Variants in SERPINA6 observed in about 807,000 individuals in gnomAD.
SERPINA6 encodes the protein serpin family A member 6.
Under a neutral mutation model 26.4 loss-of-function variants are expected in SERPINA6, and 19 were observed. That is an observed-to-expected ratio of 0.72 (90% confidence interval 0.50 to 1.06). SERPINA6 has a LOEUF of 1.06. Among genes scored for constraint, SERPINA6 ranks in the 50% least tolerant of loss-of-function variants. SERPINA6 has a pLI of 0.00. For synonymous variants in SERPINA6, 196 were observed against 199.4 expected, an observed-to-expected ratio of 0.98 and a Z score of 0.14; for missense variants, 473 against 504.0, an observed-to-expected ratio of 0.94 and a Z score of 0.59.
chr14:94,311,590 CT>C (rs1176216271), intron 2 of SERPINA6, among the ~76,000 whole-genome samples: 10 of 151,886 alleles, frequency 6.6e-5, no homozygotes, highest in Admixed American at 6.6e-4. Context: ...TCTGGAAAAT[CT>C]TTTAACAATA....
chr14:94,322,773 G>A (rs543493249), intron 1 of SERPINA6, among the ~76,000 whole-genome samples: 31 of 152,304 alleles, frequency 2.0e-4, no homozygotes, highest in African/African-American at 6.7e-4. Flanking sequence ...TCTGCCCCAG[G>A]TCACTGAGTG....
intron 2 of SERPINA6, among the ~76,000 whole-genome samples, chr14:94,313,652 G>A (rs991139836): frequency 1.4e-4 from 21 of 152,180 alleles, no homozygotes; most frequent in African/African-American, 5.1e-4. Flanking sequence ...GTGCAGGATG[G>A]CTTTGGGGGC....
intron 2 of SERPINA6, among the ~76,000 whole-genome samples, chr14:94,311,616 A>T (rs1454631163): frequency 6.6e-6 from 1 of 151,264 alleles, no homozygotes; most frequent in African/African-American, 2.4e-5. Flanking sequence ...TAATGTTATT[A>T]AAAAAAAACT....
Position 94,309,983 on chromosome 14 carries a change from G to A in SERPINA6, c.637C>T (p.Leu213=). The A allele has an allele frequency of 6.2e-7, 1 of 1,614,096 alleles. No homozygotes were observed. Among genetic ancestry groups the A allele is most frequent in the Non-Finnish European group, 8.5e-7 (1 of 1,180,014 alleles). The change falls in exon 3 of 5, where the codon CTG becomes TTG. Residue 213 remains leucine (L), a synonymous_variant. Transcript: ENST00000341584. The part of the protein sequence containing the change: ...FKGTWTQPFD[L]ASTREENFYV... ...AAGTTCTCCTCCCTGGTGCTTGCCA[G>A]GTCAAAGGGCTGTGTCCATGTGCCT...
rs114422476 is a variant in SERPINA6 at position 94,309,127 on chromosome 14, G to A, written c.884+609C>T. Reference sequence around the variant, plus strand: ...CAGAGATAGAGGGAATCCATTGGCCGCTTCTCCTCCTGGCTACTGCCTCTT... The same window carrying A: ...CAGAGATAGAGGGAATCCATTGGCCACTTCTCCTCCTGGCTACTGCCTCTT... On this transcript the variant is annotated intron_variant, in intron 3 of 4. Transcript: ENST00000341584. 9.3e-3 allele frequency among the ~76,000 whole-genome samples: 1,423 copies of A among 152,328 alleles called. 27 individuals carry two copies. The highest frequency in any genetic ancestry group is 0.032 in the African/African-American group (1,349 of 41,558).
rs1476045999 is a variant in SERPINA6, at chr14:94,306,131, C to T, written c.972G>A (p.Leu324=). 1.9e-6 allele frequency: 3 copies of T among 1,614,194 alleles called. No individual in the cohort carries two copies. The highest frequency in any genetic ancestry group is 1.7e-5 in the Admixed American group (1 of 60,024). ...GTGAGAAATTTGCCTGGTTGGTGAACAAGTCTGCAATGCCCATTTCCTCCA... is the reference window on the plus strand; with the variant it reads ...GTGAGAAATTTGCCTGGTTGGTGAATAAGTCTGCAATGCCCATTTCCTCCA... The part of the protein sequence containing the change: ...DVLEEMGIAD[L]FTNQANFSRI... Residue 324 remains leucine (L), a synonymous_variant, in exon 4 of 5, where the codon TTG becomes TTA. Transcript: ENST00000341584.
Position 94,309,739 on chromosome 14 carries a change from C to T in SERPINA6, c.881G>A (p.Ser294Asn). 1 of 1,614,002 alleles carries T rather than the reference C, an allele frequency of 6.2e-7. No individual in the cohort carries two copies. The highest frequency in any genetic ancestry group is 8.5e-7 in the Non-Finnish European group (1 of 1,180,026). ...ACATGATGGCTGGAGGACTTACCTG[C>T]TGGTCAGGCCTGCGGACCACCTGTT... The part of the protein sequence containing the change: ...TINRWSAGLT[S>N]SQVDLYIPKV... Residue 294 changes from serine to asparagine, a missense_variant, in exon 3 of 5, where the codon AGC (serine) becomes AAC (asparagine). Physicochemically the swap from Ser to Asn is conservative, Grantham distance 46 (BLOSUM62 1). Coordinates refer to ENST00000341584, the MANE Select transcript of SERPINA6 (RefSeq NM_001756.4).
At position 94,309,771 on chromosome 14, in the gene SERPINA6, G is replaced by C. The variant is rs201033879; in HGVS notation, c.849C>G (p.Asp283Glu). 83 of 1,614,040 alleles carry C rather than the reference G, an allele frequency of 5.1e-5. No individual in the cohort carries two copies. Among genetic ancestry groups the C allele is most frequent in the Non-Finnish European group, 6.9e-5 (82 of 1,180,046 alleles). The change falls in exon 3 of 5, where the codon GAC becomes GAG. Residue 283 changes from aspartate (D) to glutamate (E), a missense_variant. Asp to Glu is a conservative substitution (Grantham distance 45). Coordinates refer to ENST00000341584, the MANE Select transcript of SERPINA6 (RefSeq NM_001756.4). ...GGCCTGCGGACCACCTGTTAATCGT[G>C]TCCCGGCTCAGTGCAGCGATGACTG... ...MNTVIAALSR[D>E]TINRWSAGLT...
intron 1 of SERPINA6, among the ~76,000 whole-genome samples, chr14:94,320,510 G>T (rs1895670199): frequency 6.6e-6 from 1 of 152,180 alleles, no homozygotes; most frequent in Non-Finnish European, 1.5e-5. Context: ...TGCCTACGTT[G>T]CTGGGTGGCA....
At position 94,309,788 on chromosome 14, in the gene SERPINA6, C is replaced by G. The variant is rs374119759; in HGVS notation, c.832G>C (p.Ala278Pro). 5.0e-6 allele frequency: 8 copies of G among 1,614,170 alleles called. No individual in the cohort carries two copies. The South Asian group carries it at 5.5e-5, about 11-fold the overall frequency. Residue 278 changes from alanine (A) to proline (P), a missense_variant, in exon 3 of 5, where the codon GCT becomes CCT. By Grantham distance (27) the Ala-to-Pro change is conservative. Transcript: ENST00000341584. ...PDKGKMNTVI[A>P]ALSRDTINRW... The stretch of plus-strand genomic sequence containing the variant: ...TTAATCGTGTCCCGGCTCAGTGCAG[C>G]GATGACTGTGTTCATCTTCCCCTTG...
At chr14:94,321,490 T>C (rs1254251656) in intron 1 of SERPINA6, among the ~76,000 whole-genome samples, 1 of 152,134 alleles carries the variant, frequency 6.6e-6, no homozygotes, top group Non-Finnish European at 1.5e-5. Context: ...CAGCCTTTTC[T>C]CCCACTGTGG....
intron 3 of SERPINA6, among the ~76,000 whole-genome samples, chr14:94,307,114 G>T (rs895470824): frequency 5.3e-5 from 8 of 152,132 alleles, no homozygotes; most frequent in Non-Finnish European, 1.0e-4. Context: ...GAGGCGAGTC[G>T]GTGTGTACCT....
chr14:94,305,918 T>A (rs1230977476), intron 4 of SERPINA6, among the ~76,000 whole-genome samples, 153 bp downstream of exon 4: 2 of 152,172 alleles, frequency 1.3e-5, no homozygotes, highest in African/African-American at 4.8e-5. Flanking sequence ...TCCATTTACC[T>A]CATGGTGAGA....
At chr14:94,318,573 A>T (rs1895642726) in intron 1 of SERPINA6, among the ~76,000 whole-genome samples, 1 of 152,242 alleles carries the variant, frequency 6.6e-6, no homozygotes, top group Admixed American at 6.5e-5. Flanking sequence ...GGGAAAAGAC[A>T]GCCTTTTCAA....
In SERPINA6 at chr14:94,304,356, A is replaced by T. The variant is rs1414650404; in HGVS notation, c.*62T>A. 3 of 1,548,298 alleles carry T rather than the reference A, an allele frequency of 1.9e-6. No homozygotes were observed. Among genetic ancestry groups the T allele is most frequent in the Admixed American group, 1.7e-5 (1 of 59,938 alleles). ...GGGGAAACCTCCCGCTCTCCAAAACATTTCTGTGGGATCCCTGGTTCCCAA... is the reference window on the plus strand; with the variant it reads ...GGGGAAACCTCCCGCTCTCCAAAACTTTTCTGTGGGATCCCTGGTTCCCAA... On this transcript the variant is annotated 3_prime_UTR_variant, in exon 5 of 5. Coordinates refer to ENST00000341584, the MANE Select transcript of SERPINA6 (RefSeq NM_001756.4).
intron 1 of SERPINA6, among the ~76,000 whole-genome samples, chr14:94,320,209 C>A: frequency 6.6e-6 from 1 of 152,156 alleles, no homozygotes; most frequent in East Asian, 1.9e-4. Context: ...TGGGAACCCT[C>A]ATTTAAACCA....
chr14:94,312,476 A>C (rs1173776712), intron 2 of SERPINA6, among the ~76,000 whole-genome samples: 1 of 152,238 alleles, frequency 6.6e-6, no homozygotes, highest in Non-Finnish European at 1.5e-5. Context: ...AGGGCACTGG[A>C]ATCTCCCAAA....
Position 94,304,289 on chromosome 14 carries a change from G to T in SERPINA6, c.*129C>A. ...ATTTATTAAAAGATGCCTAAAGTTAGACACAACTCTGGTTGGAGGGAGAAG... is the reference window on the plus strand; with the variant it reads ...ATTTATTAAAAGATGCCTAAAGTTATACACAACTCTGGTTGGAGGGAGAAG... On this transcript the variant is annotated 3_prime_UTR_variant, in exon 5 of 5. Coordinates refer to ENST00000341584, the MANE Select transcript of SERPINA6 (RefSeq NM_001756.4). 1.1e-6 allele frequency: 1 copy of T among 931,794 alleles called. No individual in the cohort carries two copies. Among genetic ancestry groups the T allele is most frequent in the South Asian group, 1.3e-5 (1 of 75,132 alleles). 57.7% of individuals were successfully genotyped at this position (931,794 alleles called of 1,614,324 possible). A position where few individuals can be genotyped will look rare whatever the true frequency, so the allele number is the denominator to read the frequency against.
chr14:94,306,151 C>T lies in SERPINA6; in HGVS notation c.952G>A (p.Glu318Lys), dbSNP rs1379812047. Residue 318 changes from glutamate (E) to lysine (K), a missense_variant, in exon 4 of 5, where the codon GAA (glutamate) becomes AAA (lysine). Coordinates refer to ENST00000341584, the MANE Select transcript of SERPINA6 (RefSeq NM_001756.4). ...GTGAACAAGTCTGCAATGCCCATTT[C>T]CTCCAGCACATCTCCGAGGTCATAG... Reference protein sequence around the residue: ...GVYDLGDVLEEMGIADLFTNQ... With the variant: ...GVYDLGDVLEKMGIADLFTNQ... 1 of 1,614,082 alleles carries T rather than the reference C, an allele frequency of 6.2e-7. No homozygotes were observed. The highest frequency in any genetic ancestry group is 1.3e-5 in the African/African-American group (1 of 74,922).
Sources: gnomAD v4.1 joint callset for allele counts (sites outside exome capture counted in the v4.1 genomes callset) on GRCh38, gnomAD v4.1.1 for gene constraint, MANE v1.5 for transcripts, NCBI Gene and HGNC (gene_info 2026-07-23, HGNC 2026-07-21) for gene names.